The following SCARA3 variants were observed in gnomAD, a reference collection of about 807,000 sequenced individuals.
SCARA3 encodes the protein cellular stress response gene protein.
SCARA3 carries 39 observed loss-of-function variants against 47.0 expected under a neutral mutation model. The observed-to-expected ratio is 0.83, with a 90% CI of 0.64 to 1.08. The LOEUF is 1.08. Among genes scored for constraint, SCARA3 ranks in the 50% least tolerant of loss-of-function variants. SCARA3 has a pLI of 0.00. For missense variants in SCARA3, 724 were observed against 792.3 expected, an observed-to-expected ratio of 0.91 and a Z score of 1.04; for synonymous variants, 356 against 334.1, an observed-to-expected ratio of 1.07 and a Z score of -0.71.
the SCARA3 span, among the ~76,000 whole-genome samples, chr8:27,724,405 T>C: frequency 6.6e-6 from 1 of 152,202 alleles, no homozygotes; most frequent in Non-Finnish European, 1.5e-5. Flanking sequence ...GGCTCAAGCC[T>C]GTAATCCCAG....
At chr8:27,710,601 G>T in the SCARA3 span, among the ~76,000 whole-genome samples, 265 of 152,214 alleles carry the variant, frequency 1.7e-3, 2 homozygotes, top group Admixed American at 4.1e-3. Flanking sequence ...CAAAACAAAC[G>T]GATTGTTTTG....
At chr8:27,719,136 A>G in the SCARA3 span, among the ~76,000 whole-genome samples, 3 of 152,264 alleles carry the variant, frequency 2.0e-5, no homozygotes, top group Non-Finnish European at 4.4e-5. Flanking sequence ...AAGGAGAGAG[A>G]AGGTGGCAGA....
At chr8:27,732,518 A>T in the SCARA3 span, among the ~76,000 whole-genome samples, 1 of 152,214 alleles carries the variant, frequency 6.6e-6, no homozygotes, top group Non-Finnish European at 1.5e-5. Flanking sequence ...TAAGACAGAA[A>T]AAGAGGTATG....
the SCARA3 span, among the ~76,000 whole-genome samples, chr8:27,686,949 A>G: frequency 7.0e-6 from 1 of 142,260 alleles, no homozygotes; most frequent in Non-Finnish European, 1.5e-5. Context: ...CCCGCTCCCC[A>G]CCCACCCCTC....
chr8:27,664,190 C>T (rs1196728591), intron 5 of SCARA3, among the ~76,000 whole-genome samples: 1 of 152,188 alleles, frequency 6.6e-6, no homozygotes. Context: ...TACGTATGTG[C>T]ACGACCTCTA....
At chr8:27,641,265 G>A (rs1034200532) in intron 1 of SCARA3, among the ~76,000 whole-genome samples, 10 of 152,228 alleles carry the variant, frequency 6.6e-5, no homozygotes, top group African/African-American at 2.2e-4. Flanking sequence ...CAGAATGCAC[G>A]AGAAGGCCTC....
At chr8:27,644,567 C>T (rs1376870857) in intron 1 of SCARA3, among the ~76,000 whole-genome samples, 2 of 151,972 alleles carry the variant, frequency 1.3e-5, no homozygotes, top group African/African-American at 2.4e-5. Context: ...CAAGCCCATC[C>T]GCTCCTGCCA....
Position 27,671,570 on chromosome 8 carries a change from G to GCA in SCARA3, c.*226_*227dup. ...CATGTGCACATGCACACACATGCAT[G>GCA]CACACACATGCACACATACACGCAC... On this transcript the variant is annotated 3_prime_UTR_variant, in exon 6 of 6. Transcript: ENST00000301904. The GCA allele has an allele frequency of 7.9e-7, 1 of 1,261,942 alleles. No individual in the cohort carries two copies. The allele number at this position is 1,261,942 out of a possible 1,614,324, so 78.2% of individuals were successfully genotyped here.
Position 27,658,967 on chromosome 8 carries a change from G to A in SCARA3, c.797G>A (p.Arg266His), listed in dbSNP as rs201628257. Residue 266 changes from arginine to histidine, a missense_variant, in exon 5 of 6, where the codon CGC becomes CAC. Physicochemically the swap from Arg to His is conservative, Grantham distance 29. Transcript: ENST00000301904. Reference protein sequence around the residue: ...QNYTRLFSGLRTTSTKTGEAV... With the variant: ...QNYTRLFSGLHTTSTKTGEAV... ...TACACACGGCTCTTCAGCGGCCTGC[G>A]CACCACCTCCACCAAGACTGGAGAG... The A allele has an allele frequency of 8.7e-6, 14 of 1,613,910 alleles. No homozygotes were observed. Among genetic ancestry groups the A allele is most frequent in the Admixed American group, 8.3e-5 (5 of 59,978 alleles).
intron 3 of SCARA3, among the ~76,000 whole-genome samples, chr8:27,655,526 G>T (rs1006118989): frequency 6.6e-6 from 1 of 152,100 alleles, no homozygotes; most frequent in Non-Finnish European, 1.5e-5. Context: ...GGTATAAAGT[G>T]GTGTAATCTT....
rs1448480769 is a variant in SCARA3, at chr8:27,672,962, A to G, written c.*1611A>G. The stretch of plus-strand genomic sequence containing the variant: ...ACGGCCATGTAACTCTCCTGTCCAC[A>G]TATGATAATACCATTCTGCATAGTA... On this transcript the variant is annotated 3_prime_UTR_variant, in exon 6 of 6. Coordinates refer to ENST00000301904, the MANE Select transcript of SCARA3 (RefSeq NM_016240.3). The G allele has an allele frequency of 1.0e-6, 1 of 985,344 alleles. No individual in the cohort carries two copies. Among genetic ancestry groups the G allele is most frequent in the Non-Finnish European group, 1.2e-6 (1 of 829,840 alleles). The allele number at this position is 985,344 out of a possible 1,614,324, so 61.0% of individuals were successfully genotyped here.
chr8:27,728,571 G>A, the SCARA3 span, among the ~76,000 whole-genome samples: 2 of 152,334 alleles, frequency 1.3e-5, no homozygotes, highest in African/African-American at 4.8e-5. Context: ...GGCCGTCGCT[G>A]GGGAAGAGGA....
chr8:27,717,849 C>T, the SCARA3 span, among the ~76,000 whole-genome samples: 4 of 152,116 alleles, frequency 2.6e-5, no homozygotes, highest in Non-Finnish European at 5.9e-5. Context: ...TCTTACCATG[C>T]CCCTCCTCTT....
Position 27,672,703 on chromosome 8 carries a change from G to A in SCARA3, c.*1352G>A, listed in dbSNP as rs938101713. The A allele has an allele frequency of 6.0e-5, 59 of 985,550 alleles. No homozygotes were observed. Among genetic ancestry groups the A allele is most frequent in the East Asian group, 1.1e-4 (1 of 8,828 alleles). 61.1% of individuals were successfully genotyped at this position (985,550 alleles called of 1,614,324 possible). On this transcript the variant is annotated 3_prime_UTR_variant, in exon 6 of 6. Transcript: ENST00000301904. ...ACTTCCTGCACACACTGGCAGAGAG[G>A]GGCGCTGGGAAATCACCCCACAGGG...
intron 1 of SCARA3, among the ~76,000 whole-genome samples, chr8:27,647,664 C>T (rs1209271416): frequency 6.6e-6 from 1 of 152,166 alleles, no homozygotes; most frequent in Non-Finnish European, 1.5e-5. Flanking sequence ...GAGCATTCTC[C>T]TAGGGAGAGC....
chr8:27,730,966 A>G, the SCARA3 span, among the ~76,000 whole-genome samples: 1 of 151,166 alleles, frequency 6.6e-6, no homozygotes, highest in African/African-American at 2.4e-5. Context: ...CCCAAAGCCC[A>G]GGAGATCCTG....
chr8:27,712,867 T>A, the SCARA3 span, among the ~76,000 whole-genome samples: 1 of 151,756 alleles, frequency 6.6e-6, no homozygotes, highest in Admixed American at 6.6e-5. Flanking sequence ...TTTTTTAGTT[T>A]TGAAAAAAAA....
downstream of SCARA3, among the ~76,000 whole-genome samples, chr8:27,680,822 A>G (rs985786721): frequency 1.3e-5 from 2 of 152,194 alleles, no homozygotes; most frequent in Non-Finnish European, 1.5e-5. Flanking sequence ...TTACCACAAG[A>G]ATGCTAGGCT....
chr8:27,672,645 G>T lies in SCARA3; in HGVS notation c.*1294G>T, dbSNP rs1246954778. On this transcript the variant is annotated 3_prime_UTR_variant, in exon 6 of 6. Transcript: ENST00000301904. ...GGGAAGGGCCTGGACACTCACAGAGGCCCCCTCTGTCATCACTCCTTGGCA... is the reference window on the plus strand; with the variant it reads ...GGGAAGGGCCTGGACACTCACAGAGTCCCCCTCTGTCATCACTCCTTGGCA... 2 of 985,412 alleles carry T rather than the reference G, an allele frequency of 2.0e-6. No individual in the cohort carries two copies. The highest frequency in any genetic ancestry group is 2.4e-6 in the Non-Finnish European group (2 of 830,006). 61.0% of individuals were successfully genotyped at this position (985,412 alleles called of 1,614,324 possible).
Sources: allele counts gnomAD v4.1 joint callset (sites outside exome capture counted in the v4.1 genomes callset), GRCh38; gene constraint gnomAD v4.1.1; transcripts MANE v1.5; gene names NCBI Gene and HGNC (gene_info 2026-07-23, HGNC 2026-07-21).